The following OTOG variants were observed in gnomAD, a reference collection of about 807,000 sequenced individuals.
OTOG encodes the protein otogelin.
OTOG carries 296 observed loss-of-function variants against 313.8 expected under a neutral mutation model. That is an observed-to-expected ratio of 0.94 (90% CI 0.86 to 1.04). OTOG has a LOEUF of 1.04. OTOG is among the 50% of genes least tolerant of loss of function. OTOG has a pLI of 0.00. For missense variants in OTOG, 3,948 were observed against 3,840.1 expected, an observed-to-expected ratio of 1.03 and a Z score of -0.74; for synonymous variants, 1,533 against 1,554.9, an observed-to-expected ratio of 0.99 and a Z score of 0.33.
intron 15 of OTOG, among the ~76,000 whole-genome samples, chr11:17,563,129 T>G (rs2134013453): frequency 6.6e-6 from 1 of 152,348 alleles, no homozygotes; most frequent in African/African-American, 2.4e-5. Flanking sequence ...TGAACATAAC[T>G]GAGAAAATGG....
intron 39 of OTOG, among the ~76,000 whole-genome samples, chr11:17,623,744 A>G (rs140180622): frequency 0.014 from 2,142 of 152,314 alleles, 50 homozygotes; most frequent in South Asian, 0.095. Context: ...CAATGGTTGA[A>G]CTAATTTATA....
In OTOG at chr11:17,574,870, C is replaced by A. The variant is rs747805108; in HGVS notation, c.2444C>A (p.Pro815Gln). The change falls in exon 20 of 56, where the codon CCG becomes CAG. Residue 815 changes from proline to glutamine, a missense_variant. Coordinates refer to ENST00000399397, the MANE Select transcript of OTOG (RefSeq NM_001292063.2). ...DECVEGCACPPDTYLDTQADL... is the reference protein window; with the variant it reads ...DECVEGCACPQDTYLDTQADL... ...TGTGTGGAGGGCTGTGCCTGCCCACCGGACACCTATCTGGACACCCAGGCT... is the reference window on the plus strand; with the variant it reads ...TGTGTGGAGGGCTGTGCCTGCCCACAGGACACCTATCTGGACACCCAGGCT... 3.2e-6 allele frequency: 5 copies of A among 1,541,660 alleles called. No homozygotes were observed. The highest frequency in any genetic ancestry group is 2.4e-5 in the South Asian group (2 of 82,614).
At chr11:17,576,107 T>G (rs1310969870) in intron 20 of OTOG, among the ~76,000 whole-genome samples, 4 of 152,232 alleles carry the variant, frequency 2.6e-5, no homozygotes, top group Non-Finnish European at 5.9e-5. Context: ...CAGAGGTCAA[T>G]GTACTTAACA....
At chr11:17,575,121 T>C (rs1169267196) in intron 20 of OTOG, among the ~76,000 whole-genome samples, 2 of 152,248 alleles carry the variant, frequency 1.3e-5, no homozygotes, top group Non-Finnish European at 2.9e-5. Flanking sequence ...TGGGCCATTA[T>C]AGCAGCTTCC....
At chr11:17,629,016 G>C in intron 39 of OTOG, 117 bp from the exon 40 acceptor site, 3 of 1,067,630 alleles carry the variant, frequency 2.8e-6, no homozygotes, top group Non-Finnish European at 4.0e-6. Context: ...CCTAATAAAT[G>C]TTTGTCAGAT....
chr11:17,591,559 GTGGGGGCATGCAAAGTGCACC>G lies in OTOG; in HGVS notation c.2981_3001del (p.Gly994_Leu1000del). ...GTTTGATGGGCTCCCGTTTGACTTC[GTGGGGGCATGCAAAGTGCACC>G]TGGTCAAGGTGAGTTCCCGGATGTT... On this transcript the variant is annotated inframe_deletion, in exon 25 of 56. Coordinates refer to ENST00000399397, the MANE Select transcript of OTOG (RefSeq NM_001292063.2). The G allele has an allele frequency of 6.4e-7, 1 of 1,550,640 alleles. No homozygotes were observed.
chr11:17,576,238 A>G (rs555452484), intron 20 of OTOG, among the ~76,000 whole-genome samples: 2 of 152,344 alleles, frequency 1.3e-5, no homozygotes, highest in African/African-American at 4.8e-5. Flanking sequence ...GCATGGGCTC[A>G]GGAGCTGTGC....
chr11:17,553,411 G>T lies in OTOG; in HGVS notation c.432G>T (p.Gly144=). 6.8e-7 allele frequency: 1 copy of T among 1,471,534 alleles called. No individual in the cohort carries two copies. Among genetic ancestry groups the T allele is most frequent in the South Asian group, 1.4e-5 (1 of 70,436 alleles). The allele number at this position is 1,471,534 out of a possible 1,614,324, so 91.2% of individuals were successfully genotyped here. The part of the protein sequence containing the change: ...PERDSICRAW[G]QHHVETFDGL... ...GGGACAGCATTTGCCGGGCGTGGGG[G>T]CAGCACCACGTGGAGACATTTGATG... is the stretch of plus-strand genomic sequence containing the variant. The change falls in exon 6 of 56, where the codon GGG becomes GGT. Residue 144 remains glycine, a synonymous_variant. Coordinates refer to ENST00000399397, the MANE Select transcript of OTOG (RefSeq NM_001292063.2).
chr11:17,606,289 G>A (rs1480330776), intron 33 of OTOG, among the ~76,000 whole-genome samples, 154 bp downstream of exon 33: 1 of 152,220 alleles, frequency 6.6e-6, no homozygotes, highest in Non-Finnish European at 1.5e-5. Flanking sequence ...CCTGAGATGA[G>A]AGGTGGCCCA....
chr11:17,587,337 T>C (rs1253149058), intron 24 of OTOG, among the ~76,000 whole-genome samples: 2 of 152,190 alleles, frequency 1.3e-5, no homozygotes, highest in East Asian at 3.9e-4. Flanking sequence ...AGACTCAGCT[T>C]TCTGATAGAG....
chr11:17,559,896 G>A (rs919363488), intron 12 of OTOG, among the ~76,000 whole-genome samples: 1 of 148,002 alleles, frequency 6.8e-6, no homozygotes, highest in African/African-American at 2.6e-5. Context: ...GAGAGAGGGA[G>A]GGAGGGAGGA....
chr11:17,607,705 G>T (rs1387425488), intron 33 of OTOG, among the ~76,000 whole-genome samples: 1 of 152,244 alleles, frequency 6.6e-6, no homozygotes, highest in Admixed American at 6.5e-5. Context: ...GGAACAGAGA[G>T]GGCTGAGTCG....
intron 23 of OTOG, among the ~76,000 whole-genome samples, chr11:17,586,219 G>A (rs1852791112): frequency 6.6e-6 from 1 of 152,206 alleles, no homozygotes; most frequent in Non-Finnish European, 1.5e-5. Context: ...GCTGTGGCTG[G>A]TAGAGATAAG....
intron 17 of OTOG, among the ~76,000 whole-genome samples, chr11:17,571,711 T>G (rs1350012470): frequency 6.6e-6 from 1 of 152,134 alleles, no homozygotes; most frequent in Non-Finnish European, 1.5e-5. Context: ...TGGACAATCC[T>G]AGCCCATTTT....
rs771765463 is a variant in OTOG at position 17,634,224 on chromosome 11, G to C, written c.7423G>C (p.Gly2475Arg). Residue 2475 changes from glycine to arginine, a missense_variant, in exon 44 of 56, where the codon GGG becomes CGG. Transcript: ENST00000399397. The part of the protein sequence containing the change: ...SPRPESCLRF[G>R]EVALLLPTKD... ...CCGCCCTGAGAGCTGCCTGCGATTC[G>C]GGGAGGTGGCCTTGCTCCTACCCAC... 3.2e-6 allele frequency: 5 copies of C among 1,550,486 alleles called. No individual in the cohort carries two copies. Among genetic ancestry groups the C allele is most frequent in the East Asian group, 4.9e-5 (2 of 40,898 alleles).
intron 38 of OTOG, among the ~76,000 whole-genome samples, chr11:17,613,077 C>T (rs1371773501): frequency 4.6e-5 from 7 of 152,250 alleles, no homozygotes; most frequent in East Asian, 3.9e-4. Context: ...TGGTGTGGCC[C>T]GAGGTCATGG....
In OTOG at chr11:17,576,611, A is replaced by T. The variant is rs1852532958; in HGVS notation, c.2542A>T (p.Ile848Phe). The change falls in exon 21 of 56, where the codon ATC becomes TTC. Residue 848 changes from isoleucine (I) to phenylalanine (F), a missense_variant. Physicochemically the swap from Ile to Phe is conservative, Grantham distance 21. Transcript: ENST00000399397. ...GGACTATCCCCCCGGAGACAGTGAC[A>T]TCCCATCCCTGGGCCACTGGTGAGC... ...GVDYPPGDSD[I>F]PSLGHCHCKD... The T allele has an allele frequency of 6.5e-7, 1 of 1,550,376 alleles. No homozygotes were observed. The highest frequency in any genetic ancestry group is 2.4e-5 in the East Asian group (1 of 40,910).
intron 39 of OTOG, among the ~76,000 whole-genome samples, chr11:17,627,402 T>C (rs866078540): frequency 4.5e-4 from 68 of 152,364 alleles, no homozygotes; most frequent in African/African-American, 1.5e-3. Context: ...TCCTTTATTC[T>C]GTTGATATGA....
At chr11:17,570,576 T>C (rs2134023160) in intron 17 of OTOG, 186 bp downstream of exon 17, 2 of 600,664 alleles carry the variant, frequency 3.3e-6, no homozygotes, top group Non-Finnish European at 5.6e-6. Flanking sequence ...CACAGTCCTC[T>C]ATGTGTGGAA....
Sources: allele counts gnomAD v4.1 joint callset (sites outside exome capture counted in the v4.1 genomes callset), GRCh38; gene constraint gnomAD v4.1.1; transcripts MANE v1.5; gene names NCBI Gene and HGNC (gene_info 2026-07-23, HGNC 2026-07-21).